Variants in ZNF568 observed in about 807,000 individuals in gnomAD.
The protein encoded by ZNF568 is zinc finger protein 568.
A neutral mutation model predicts 18.1 loss-of-function variants in ZNF568; 11 were observed. The observed-to-expected ratio is 0.61, with a 90% CI of 0.38 to 1.00. ZNF568 has a LOEUF of 1.00. Ranked by LOEUF, ZNF568 falls within the 50% of genes least tolerant of loss-of-function variation. The probability of loss-of-function intolerance (pLI) is 0.01; values close to 1 mark genes in which losing one functional copy is unlikely to be tolerated. For missense variants in ZNF568, 639 were observed against 768.2 expected, an observed-to-expected ratio of 0.83 and a Z score of 1.99; for synonymous variants, 213 against 246.6, an observed-to-expected ratio of 0.86 and a Z score of 1.28.
Position 36,916,810 on chromosome 19 carries a change from G to C in ZNF568, c.-256+219G>C, listed in dbSNP as rs899623138. On this transcript the variant is annotated intron_variant, in intron 1 of 6. Transcript: ENST00000333987. The surrounding 1 kb of genome is among the most constrained non-coding windows in gnomAD (Gnocchi z 5.3). ...GTGCGTGATTGTAATATGTCTAGTA[G>C]TTCTTGTCTTGAGCTGGCTTTTCTG... 6.6e-6 allele frequency among the ~76,000 whole-genome samples: 1 copy of C among 152,156 alleles called. No homozygotes were observed. The highest frequency in any genetic ancestry group is 2.4e-5 in the African/African-American group (1 of 41,434).
At chr19:36,997,565 G>T, downstream of ZNF568, 1 of 1,583,750 alleles carries the variant, frequency 6.3e-7, no homozygotes, top group Non-Finnish European at 8.6e-7. Context: ...AAGGAGTGTG[G>T]GAAGCCCTTT....
chr19:36,996,317 A>G (rs1025839680), exon 5 of ZNF568: 6 of 1,525,666 alleles, frequency 3.9e-6, no homozygotes, highest in African/African-American at 2.8e-5. Context: ...TATTTTGCAG[A>G]TTGGGAGTTT....
intron 6 of ZNF568, among the ~76,000 whole-genome samples, chr19:36,958,626 T>C (rs2074125944): frequency 7.1e-6 from 1 of 140,404 alleles, no homozygotes; most frequent in African/African-American, 2.7e-5. Context: ...CTTTTTTTTT[T>C]TTTTTTTTTT....
chr19:36,950,181 T>C lies in ZNF568; in HGVS notation c.1028T>C (p.Phe343Ser). Residue 343 changes from phenylalanine (F) to serine (S), a missense_variant, in exon 7 of 7, where the codon TTC becomes TCC. Transcript: ENST00000333987. ...PYECKECGKS[F>S]SQKQNLIEHE... ...GAATGTAAGGAATGTGGGAAATCCT[T>C]CAGCCAGAAGCAAAATCTTATTGAG... 6.2e-7 allele frequency: 1 copy of C among 1,613,736 alleles called. No homozygotes were observed. Among genetic ancestry groups the C allele is most frequent in the Non-Finnish European group, 8.5e-7 (1 of 1,179,750 alleles).
chr19:36,976,633 G>T (rs574054432), intron 7 of ZNF568, among the ~76,000 whole-genome samples: 2 of 152,178 alleles, frequency 1.3e-5, no homozygotes, highest in African/African-American at 4.8e-5. Flanking sequence ...AGAGCTGGCC[G>T]GGTGCGGTGG....
intron 6 of ZNF568, among the ~76,000 whole-genome samples, chr19:36,961,156 A>G (rs1253442834): frequency 6.6e-6 from 1 of 152,124 alleles, no homozygotes; most frequent in East Asian, 1.9e-4. Context: ...CTCTCTCTTT[A>G]GATCTAGTAA....
At position 36,950,278 on chromosome 19, in the gene ZNF568, A is replaced by G; in HGVS notation, c.1125A>G (p.Ser375=). 6.2e-7 allele frequency: 1 copy of G among 1,614,098 alleles called. No individual in the cohort carries two copies. Among genetic ancestry groups the G allele is most frequent in the Non-Finnish European group, 8.5e-7 (1 of 1,180,004 alleles). ...GTGGTAGAGCTTTTTCTCGAATGTC[A>G]TCTGTTACGCTACATATGAGAAGTC... ...NECGRAFSRM[S]SVTLHMRSHT... The change falls in exon 7 of 7, where the codon TCA becomes TCG. Residue 375 remains serine (S), a synonymous_variant. Transcript: ENST00000333987.
chr19:36,917,784 C>T (rs921183779), intron 2 of ZNF568, 136 bp downstream of exon 2: 1 of 152,164 alleles, frequency 6.6e-6, no homozygotes, highest in Non-Finnish European at 1.5e-5. Flanking sequence ...CACCTTATCC[C>T]TTTTTCTCCC....
intron 4 of ZNF568, among the ~76,000 whole-genome samples, chr19:36,927,891 ATATATATATATATTTTTTTTTTTTTT>A (rs2073601089): frequency 1.6e-4 from 4 of 24,748 alleles, no homozygotes; most frequent in African/African-American, 9.7e-4. Context: ...TATATATTAT[ATATATATATATATTTTTTTTTTTTTT>A]TTTTTTTTTT....
downstream of ZNF568, among the ~76,000 whole-genome samples, chr19:36,954,213 A>G (rs1182058633): frequency 6.6e-6 from 1 of 152,196 alleles, no homozygotes. Flanking sequence ...CGACACAGCA[A>G]GACTCTGCCT....
chr19:36,986,958 G>A (rs777049855), intron 2 of ZNF568, among the ~76,000 whole-genome samples: 1 of 152,184 alleles, frequency 6.6e-6, no homozygotes, highest in Non-Finnish European at 1.5e-5. Context: ...ACCAGCTGCA[G>A]ACTTGGTTAT....
At chr19:36,922,376 G>A (rs1428965995) in intron 2 of ZNF568, among the ~76,000 whole-genome samples, 5 of 152,132 alleles carry the variant, frequency 3.3e-5, no homozygotes, top group Non-Finnish European at 7.3e-5. Context: ...AAGCCCTAAT[G>A]TCTTTTATAA....
intron 2 of ZNF568, chr19:36,991,043 T>G: frequency 1.1e-6 from 1 of 907,790 alleles, no homozygotes; most frequent in Non-Finnish European, 1.6e-6. Flanking sequence ...GACCCCTCCA[T>G]GTTGAAGGAG....
intron 6 of ZNF568, among the ~76,000 whole-genome samples, chr19:36,972,934 A>C (rs1199205441): frequency 6.6e-6 from 1 of 152,164 alleles, no homozygotes; most frequent in Non-Finnish European, 1.5e-5. Flanking sequence ...ATTTTTCTGA[A>C]GCCTCCACGG....
chr19:36,942,598 C>CAAAA (rs1157835192), intron 6 of ZNF568, among the ~76,000 whole-genome samples: 8 of 68,444 alleles, frequency 1.2e-4, no homozygotes, highest in Non-Finnish European at 1.6e-4. Context: ...GACTCCGTCT[C>CAAAA]AAAAAAAAAA....
chr19:36,975,680 A>ATTTTTTTTT (rs2074278315), intron 7 of ZNF568, among the ~76,000 whole-genome samples: 1 of 46,816 alleles, frequency 2.1e-5, no homozygotes, highest in South Asian at 6.0e-4. Flanking sequence ...CCGCGCCAAG[A>ATTTTTTTTT]CTTTTTTTTT....
At chr19:36,922,340 A>G (rs1028131318) in intron 2 of ZNF568, among the ~76,000 whole-genome samples, 2 of 152,176 alleles carry the variant, frequency 1.3e-5, no homozygotes, top group Non-Finnish European at 2.9e-5. Flanking sequence ...TTCCCTCAAC[A>G]TCCATGATCC....
Position 36,996,256 on chromosome 19 carries a change from G to C in ZNF568, c.230-61G>C, listed in dbSNP as rs150898272. ...TTTTATTTTGTCATTTCTACTTTCA[G>C]GACTTTTCTTTGTCCTGCAATGTGA... On this transcript the variant is annotated intron_variant, in intron 4 of 4. Coordinates refer to the ZNF568 transcript ENST00000433993. 3.0e-4 allele frequency: 378 copies of C among 1,248,720 alleles called. 1 individual carries two copies. The African/African-American group carries it at 5.2e-3, about 17-fold the overall frequency. The allele number at this position is 1,248,720 out of a possible 1,614,324, so 77.4% of individuals were successfully genotyped here.
rs1453512553 is a variant in ZNF568 at position 36,950,287 on chromosome 19, G to T, written c.1134G>T (p.Thr378=). 4 of 1,613,650 alleles carry T rather than the reference G, an allele frequency of 2.5e-6. No homozygotes were observed. In the African/African-American group the frequency reaches 4.0e-5, roughly 16 times the overall value. Residue 378 remains threonine, a synonymous_variant, in exon 7 of 7, where the codon ACG becomes ACT. Coordinates refer to ENST00000333987, the MANE Select transcript of ZNF568 (RefSeq NM_198539.4). Reference sequence around the variant, plus strand: ...CTTTTTCTCGAATGTCATCTGTTACGCTACATATGAGAAGTCACACAGGGG... The same window carrying T: ...CTTTTTCTCGAATGTCATCTGTTACTCTACATATGAGAAGTCACACAGGGG... ...GRAFSRMSSV[T]LHMRSHTGEK...
Sources: gnomAD v4.1 joint callset for allele counts (sites outside exome capture counted in the v4.1 genomes callset) on GRCh38, gnomAD v4.1.1 for gene constraint, Gnocchi (gnomAD v3.1) non-coding constraint, MANE v1.5 for transcripts, NCBI Gene and HGNC (gene_info 2026-07-23, HGNC 2026-07-21) for gene names.